KIRREL1: variants seen among roughly 807,000 people sequenced by gnomAD.
The protein encoded by KIRREL1 is kirre like nephrin family adhesion molecule 1.
A neutral mutation model predicts 83.3 loss-of-function variants in KIRREL1; 25 were observed. The observed-to-expected ratio is 0.30, with a 90% confidence interval of 0.22 to 0.42. The LOEUF is 0.42. Ranked by LOEUF, KIRREL1 falls within the 10% of genes least tolerant of loss-of-function variation. The probability of loss-of-function intolerance (pLI) is 1.00; values close to 1 mark genes in which losing one functional copy is unlikely to be tolerated. For missense variants in KIRREL1, 812 were observed against 1,032.3 expected (o/e 0.79, Z 2.92); for synonymous variants, 388 against 410.4 (o/e 0.95, Z 0.66).
intron 3 of KIRREL1, among the ~76,000 whole-genome samples, chr1:158,083,366 T>TG: frequency 6.6e-6 from 1 of 152,046 alleles, no homozygotes; most frequent in African/African-American, 2.4e-5. Flanking sequence ...GCCACCATGG[T>TG]GGGGGTGGGC....
intron 1 of KIRREL1, among the ~76,000 whole-genome samples, chr1:158,038,864 CATTG>C (rs1239826488): frequency 6.6e-6 from 1 of 152,222 alleles, no homozygotes; most frequent in Admixed American, 6.5e-5. Flanking sequence ...CTTCAATAAA[CATTG>C]ATTGGCTCCA....
intron 3 of KIRREL1, among the ~76,000 whole-genome samples, chr1:158,083,280 T>C (rs1026927304): frequency 6.6e-6 from 1 of 152,318 alleles, no homozygotes; most frequent in Non-Finnish European, 1.5e-5. Flanking sequence ...ATCACAGTTT[T>C]GGTTGGGGCA....
intron 1 of KIRREL1, among the ~76,000 whole-genome samples, chr1:158,038,485 C>CTT (rs11340189): frequency 1.9e-3 from 131 of 67,994 alleles, no homozygotes; most frequent in African/African-American, 3.0e-3. Flanking sequence ...GGCTCTTCCT[C>CTT]TTTTTTTTTT....
At chr1:158,022,766 G>A (rs989129096) in intron 1 of KIRREL1, among the ~76,000 whole-genome samples, 4 of 152,070 alleles carry the variant, frequency 2.6e-5, no homozygotes, top group Non-Finnish European at 5.9e-5. Context: ...AAGTGTTCAG[G>A]CAAGTACCAC....
chr1:158,018,493 C>A (rs1293037365), intron 1 of KIRREL1, among the ~76,000 whole-genome samples: 1 of 152,154 alleles, frequency 6.6e-6, no homozygotes, highest in Non-Finnish European at 1.5e-5. Flanking sequence ...ATGGTGCCAA[C>A]CTGGGAATGC....
intron 1 of KIRREL1, among the ~76,000 whole-genome samples, chr1:158,062,336 C>T (rs1259308185): frequency 6.6e-6 from 1 of 152,212 alleles, no homozygotes; most frequent in Non-Finnish European, 1.5e-5. Context: ...GAGACCTGCT[C>T]CTACAGCTCT....
intron 1 of KIRREL1, among the ~76,000 whole-genome samples, chr1:158,039,606 C>CT (rs968806700): frequency 2.0e-5 from 3 of 152,218 alleles, no homozygotes; most frequent in African/African-American, 7.2e-5. Context: ...ATCAAGCCAG[C>CT]TTTTTCCCCA....
At chr1:158,017,497 G>A (rs1383162485) in intron 1 of KIRREL1, among the ~76,000 whole-genome samples, 1 of 152,042 alleles carries the variant, frequency 6.6e-6, no homozygotes, top group Non-Finnish European at 1.5e-5. Flanking sequence ...TTTGAGACCA[G>A]TCTGGCCAAC....
chr1:158,067,275 G>A (rs1207489812), intron 1 of KIRREL1, among the ~76,000 whole-genome samples: 4 of 152,170 alleles, frequency 2.6e-5, no homozygotes, highest in Non-Finnish European at 5.9e-5. Context: ...TCTGATGGGA[G>A]CTTCTAATGG....
chr1:158,055,449 A>T (rs1345199818), intron 1 of KIRREL1, among the ~76,000 whole-genome samples: 1 of 152,118 alleles, frequency 6.6e-6, no homozygotes, highest in Admixed American at 6.5e-5. Flanking sequence ...CGAATATGGG[A>T]TATCTTTGTT....
chr1:158,082,035 C>A (rs1018934139), intron 3 of KIRREL1, among the ~76,000 whole-genome samples: 1 of 152,142 alleles, frequency 6.6e-6, no homozygotes, highest in African/African-American at 2.4e-5. Context: ...TTATTCATTT[C>A]TCTCCACCTT....
At chr1:158,075,672 G>C (rs1056950498) in intron 1 of KIRREL1, among the ~76,000 whole-genome samples, 8 of 152,184 alleles carry the variant, frequency 5.3e-5, no homozygotes, top group African/African-American at 1.9e-4. Flanking sequence ...TCATTAATGT[G>C]GGGGTGGGCT....
At chr1:158,075,161 G>T (rs545448507) in intron 1 of KIRREL1, among the ~76,000 whole-genome samples, 1 of 152,354 alleles carries the variant, frequency 6.6e-6, no homozygotes, top group South Asian at 2.1e-4. Context: ...ACCAGTGCTG[G>T]TTGGAGCCAG....
rs550276015 is a variant in KIRREL1 at position 158,085,380 on chromosome 1, C to T, written c.510+801C>T. On this transcript the variant is annotated intron_variant, in intron 4 of 14. Coordinates refer to ENST00000359209, the MANE Select transcript of KIRREL1 (RefSeq NM_018240.7). ...ACCTGGCTTCTGGCTTCAGTTCTGCCCTTAACACACTGTGTGACCTTGGAT... is the reference window on the plus strand; with the variant it reads ...ACCTGGCTTCTGGCTTCAGTTCTGCTCTTAACACACTGTGTGACCTTGGAT... 7.2e-5 allele frequency among the ~76,000 whole-genome samples: 11 copies of T among 152,304 alleles called. No homozygotes were observed. The South Asian group carries it at 1.9e-3, about 26-fold the overall frequency.
At chr1:158,024,498 C>T (rs1660109592) in intron 1 of KIRREL1, among the ~76,000 whole-genome samples, 1 of 151,708 alleles carries the variant, frequency 6.6e-6, no homozygotes, top group Non-Finnish European at 1.5e-5. Flanking sequence ...AGGCTGGTCT[C>T]GAACTCCTGA....
At chr1:158,064,645 TCTATTC>T (rs1661312562) in intron 1 of KIRREL1, among the ~76,000 whole-genome samples, 1 of 152,206 alleles carries the variant, frequency 6.6e-6, no homozygotes, top group South Asian at 2.1e-4. Flanking sequence ...AATAACAATA[TCTATTC>T]CTTGGGATCT....
At position 158,087,809 on chromosome 1, in the gene KIRREL1, G is replaced by T. The variant is rs34091069; in HGVS notation, c.716G>T (p.Arg239Leu). The T allele has an allele frequency of 1.2e-6, 2 of 1,614,134 alleles. No individual in the cohort carries two copies. Among genetic ancestry groups the T allele is most frequent in the Non-Finnish European group, 1.7e-6 (2 of 1,180,014 alleles). The change falls in exon 6 of 15, where the codon CGT (arginine) becomes CTT (leucine). Residue 239 changes from arginine (R) to leucine (L), a missense_variant. By Grantham distance (102) the Arg-to-Leu change is moderately radical. This residue lies in a region of KIRREL1 where 472 missense variants were observed against 626.8 expected (regional missense o/e 0.75). Transcript: ENST00000359209. ...IEPQTVQEGE[R>L]VVFTCQATAN... ...CCACAGACGGTGCAGGAGGGTGAGC[G>T]TGTTGTCTTTACCTGCCAGGCCACA...
intron 1 of KIRREL1, among the ~76,000 whole-genome samples, chr1:158,005,666 G>GCTCGTGT (rs1659496739): frequency 3.9e-5 from 6 of 152,052 alleles, no homozygotes; most frequent in Non-Finnish European, 7.4e-5. Flanking sequence ...TTAAAAACTG[G>GCTCGTGT]GTCATGAGCA....
At chr1:158,028,531 G>A (rs1029696378) in intron 1 of KIRREL1, among the ~76,000 whole-genome samples, 22 of 152,272 alleles carry the variant, frequency 1.4e-4, no homozygotes, top group Admixed American at 7.8e-4. Flanking sequence ...TTCCATTTGC[G>A]ATGATATACC....
Sources: allele counts gnomAD v4.1 joint callset (sites outside exome capture counted in the v4.1 genomes callset), GRCh38; gene constraint gnomAD v4.1.1; regional missense constraint gnomAD v4.1.1; transcripts MANE v1.5; gene names NCBI Gene and HGNC (gene_info 2026-07-23, HGNC 2026-07-21).